Variants in RGS9 observed in about 807,000 individuals in gnomAD.
RGS9 encodes regulator of G protein signaling 9.
Under a neutral mutation model 102.0 loss-of-function variants are expected in RGS9, and 78 were observed. The observed-to-expected ratio is 0.76, with a 90% CI of 0.64 to 0.92. The LOEUF is 0.92. Among genes scored for constraint, RGS9 ranks in the 40% least tolerant of loss-of-function variants. The pLI, the probability that RGS9 is intolerant of heterozygous loss-of-function variation, is 0.00. For missense variants in RGS9, 833 were observed against 866.1 expected, an observed-to-expected ratio of 0.96 and a Z score of 0.48; for synonymous variants, 353 against 318.6, an observed-to-expected ratio of 1.11 and a Z score of -1.15.
chr17:65,194,912 A>G (rs1912526358), intron 12 of RGS9, among the ~76,000 whole-genome samples: 1 of 152,222 alleles, frequency 6.6e-6, no homozygotes, highest in Admixed American at 6.5e-5. Context: ...CCTGATTCTC[A>G]TCTTAAGCAA....
rs949130579 is a variant in RGS9, at chr17:65,173,009, G to A, written c.583-4723G>A. ...GTGATCTCAGCTCACTGCAACCTTC[G>A]CCTCCTGGGTTCCAGCGATTCTCCT... On this transcript the variant is annotated intron_variant, in intron 8 of 18. Coordinates refer to ENST00000262406, the MANE Select transcript of RGS9 (RefSeq NM_003835.4). The surrounding 1 kb of genome is among the most constrained non-coding windows in gnomAD (Gnocchi z 4.8). 2.0e-5 allele frequency among the ~76,000 whole-genome samples: 3 copies of A among 150,676 alleles called. No homozygotes were observed. The highest frequency in any genetic ancestry group is 2.4e-5 in the African/African-American group (1 of 40,856).
At position 65,227,304 on chromosome 17, in the gene RGS9, C is replaced by CGG; in HGVS notation, c.1925_1926dup (p.Ser643GlyfsTer6). ...TTCCAGATCAAAATGGATGTGCCCACGGGGAGCGGGACCTGCTTGATGGAC... is the reference window on the plus strand; with the variant it reads ...TTCCAGATCAAAATGGATGTGCCCACGGGGGGAGCGGGACCTGCTTGATGGAC... On this transcript the variant is annotated frameshift_variant, in exon 19 of 19. Transcript: ENST00000262406. LOFTEE classifies it high-confidence loss of function. 6.2e-7 allele frequency: 1 copy of CGG among 1,614,116 alleles called. No homozygotes were observed. Among genetic ancestry groups the CGG allele is most frequent in the Non-Finnish European group, 8.5e-7 (1 of 1,180,036 alleles).
chr17:65,143,148 A>G (rs1163182806), intron 1 of RGS9, among the ~76,000 whole-genome samples: 1 of 152,032 alleles, frequency 6.6e-6, no homozygotes, highest in African/African-American at 2.4e-5. Context: ...GTCTAAATAC[A>G]TTTTAGGTTG....
At chr17:65,226,360 C>T (rs554755385) in intron 18 of RGS9, among the ~76,000 whole-genome samples, 16 of 152,308 alleles carry the variant, frequency 1.1e-4, no homozygotes, top group Admixed American at 3.3e-4. Flanking sequence ...TACCCGGGGA[C>T]AGCCAGGCAG....
At chr17:65,180,303 A>G (rs1398689673) in intron 9 of RGS9, among the ~76,000 whole-genome samples, 1 of 152,102 alleles carries the variant, frequency 6.6e-6, no homozygotes, top group African/African-American at 2.4e-5. Context: ...GCTGGTTTGA[A>G]GAGAGGTCAT....
intron 5 of RGS9, 76 bp from the exon 6 acceptor site, chr17:65,160,775 C>T: frequency 1.3e-6 from 2 of 1,509,006 alleles, no homozygotes; most frequent in Middle Eastern, 1.7e-4. Flanking sequence ...CTGAGCACAG[C>T]AGCCTCAGGC....
At chr17:65,206,871 G>T (rs1219060207) in intron 15 of RGS9, among the ~76,000 whole-genome samples, 5 of 152,182 alleles carry the variant, frequency 3.3e-5, no homozygotes, top group Admixed American at 2.0e-4. Flanking sequence ...ACGTATCCCA[G>T]TGGCTCCATG....
At chr17:65,225,549 G>A (rs1436517342) in intron 18 of RGS9, 63 bp downstream of exon 18, 1 of 1,596,710 alleles carries the variant, frequency 6.3e-7, no homozygotes, top group Middle Eastern at 1.7e-4. Flanking sequence ...GCCTCTGCAT[G>A]TGAATATGCA....
Position 65,137,398 on chromosome 17 carries a change from G to A in RGS9, c.-143G>A, listed in dbSNP as rs1030541668. On this transcript the variant is annotated 5_prime_UTR_variant, in exon 1 of 19. Coordinates refer to ENST00000262406, the MANE Select transcript of RGS9 (RefSeq NM_003835.4). ...CAGCGGCGCCTAGTGAGAGTCAGGG[G>A]GGCCCGGCCCGCGCCCTCCCCGCCC... 3 of 777,822 alleles carry A rather than the reference G, an allele frequency of 3.9e-6. No individual in the cohort carries two copies. The highest frequency in any genetic ancestry group is 2.0e-5 in the Admixed American group (1 of 50,834). 48.2% of individuals were successfully genotyped at this position (777,822 alleles called of 1,614,324 possible). A position where few individuals can be genotyped will look rare whatever the true frequency, so the allele number is the denominator to read the frequency against.
chr17:65,202,408 G>GGTGTGTGTGTGTGTGTGT (rs746368093), intron 14 of RGS9, among the ~76,000 whole-genome samples: 1 of 132,270 alleles, frequency 7.6e-6, no homozygotes, highest in African/African-American at 3.1e-5. Flanking sequence ...TGTCCTGAGG[G>GGTGTGTGTGTGTGTGTGT]GTGTGTGTGT....
chr17:65,215,700 A>T (rs2144119559), intron 17 of RGS9, among the ~76,000 whole-genome samples: 1 of 122,056 alleles, frequency 8.2e-6, no homozygotes, highest in African/African-American at 4.3e-5. Context: ...AGCTGGGATT[A>T]CAGGCACCCA....
intron 15 of RGS9, among the ~76,000 whole-genome samples, chr17:65,205,871 A>G (rs541050993): frequency 2.0e-5 from 3 of 152,076 alleles, no homozygotes; most frequent in Admixed American, 2.0e-4. Flanking sequence ...ATTATGTGGT[A>G]TCAGTTATGT....
intron 17 of RGS9, among the ~76,000 whole-genome samples, chr17:65,223,814 G>T (rs1463431306): frequency 6.7e-6 from 1 of 150,260 alleles, no homozygotes; most frequent in East Asian, 1.9e-4. Context: ...GCAGTGACGC[G>T]ATCTCGGCTC....
intron 2 of RGS9, among the ~76,000 whole-genome samples, chr17:65,156,592 G>T (rs1417743778): frequency 3.3e-5 from 5 of 152,216 alleles, no homozygotes; most frequent in African/African-American, 4.8e-5. Flanking sequence ...GCTGATGCGG[G>T]AGGCTGAGCA....
chr17:65,171,734 C>T (rs1911427648), intron 8 of RGS9, among the ~76,000 whole-genome samples: 1 of 152,226 alleles, frequency 6.6e-6, no homozygotes, highest in African/African-American at 2.4e-5. Flanking sequence ...CCAAAGGACA[C>T]CTGTGATTCA....
chr17:65,207,358 G>T (rs1567889454), intron 15 of RGS9, among the ~76,000 whole-genome samples: 1 of 152,162 alleles, frequency 6.6e-6, no homozygotes, highest in East Asian at 1.9e-4. Flanking sequence ...CAAACTTAAA[G>T]GTGCAGCAGA....
At chr17:65,177,914 C>G in intron 9 of RGS9, 111 bp downstream of exon 9, 2 of 869,474 alleles carry the variant, frequency 2.3e-6, no homozygotes, top group Non-Finnish European at 2.0e-6. Context: ...CTCTTTGAGA[C>G]TATCAAAGAG....
At chr17:65,151,046 T>C (rs146074590) in intron 1 of RGS9, among the ~76,000 whole-genome samples, 16 of 151,806 alleles carry the variant, frequency 1.1e-4, no homozygotes, top group African/African-American at 3.1e-4. Context: ...CCAGTTTGTT[T>C]AAAAAAAAAT....
At chr17:65,172,348 C>T (rs1250279306) in intron 8 of RGS9, among the ~76,000 whole-genome samples, 10 of 152,008 alleles carry the variant, frequency 6.6e-5, no homozygotes, top group African/African-American at 1.9e-4. Flanking sequence ...GAATTACAGG[C>T]GCCTGCCACC....
Sources: gnomAD v4.1 joint callset for allele counts (sites outside exome capture counted in the v4.1 genomes callset) on GRCh38, gnomAD v4.1.1 for gene constraint, Gnocchi (gnomAD v3.1) non-coding constraint, MANE v1.5 for transcripts, NCBI Gene and HGNC (gene_info 2026-07-23, HGNC 2026-07-21) for gene names.